Variants in HOGA1 observed in about 807,000 individuals in gnomAD.
HOGA1 encodes the protein 4-hydroxy-2-oxoglutarate aldolase, mitochondrial.
A neutral mutation model predicts 34.3 loss-of-function variants in HOGA1; 30 were observed. That is an observed-to-expected ratio of 0.87 (90% confidence interval 0.65 to 1.19). The LOEUF (loss-of-function observed/expected upper bound fraction) is 1.19, where lower values mean the gene tolerates loss of function less well. HOGA1 is among the 50% of genes most tolerant of loss of function. The probability of loss-of-function intolerance (pLI) is 0.00; values close to 1 mark genes in which losing one functional copy is unlikely to be tolerated. For missense variants in HOGA1, 417 were observed against 436.5 expected, an observed-to-expected ratio of 0.96 and a Z score of 0.40; for synonymous variants, 161 against 174.0, an observed-to-expected ratio of 0.93 and a Z score of 0.59.
rs542011021 is a variant in HOGA1, at chr10:97,590,944, C to T, written c.211+6030C>T. The T allele has an allele frequency of 3.4e-5, 8 of 236,886 alleles. No individual in the cohort carries two copies. In the South Asian group the frequency reaches 7.4e-4, roughly 22 times the overall value. The allele number at this position is 236,886 out of a possible 1,614,324, so 14.7% of individuals were successfully genotyped here. ...GCTTTGTGTGCCTTCACTCTGAGTC[C>T]AGGGGCTCTGTGGGCAGCCTAAGGT... On this transcript the variant is annotated intron_variant, in intron 1 of 6. Transcript: ENST00000370646.
rs1421124485 is a variant in HOGA1, at chr10:97,598,918, C to A, written c.340+15C>A. On this transcript the variant is annotated intron_variant, in intron 2 of 6. Coordinates refer to ENST00000370646, the MANE Select transcript of HOGA1 (RefSeq NM_138413.4). ...CGGATGCGAGTGTGAGCCAGAATGC[C>A]CTGGGCCCTGGGGGTGGGTGGATGT... is the stretch of plus-strand genomic sequence containing the variant. 1 of 1,613,344 alleles carries A rather than the reference C, an allele frequency of 6.2e-7. No homozygotes were observed.
chr10:97,590,635 TCA>T lies in HOGA1; in HGVS notation c.211+5729_211+5730del, dbSNP rs568359151. On this transcript the variant is annotated intron_variant, in intron 1 of 6. Transcript: ENST00000370646. ...CGCCCCTGCCCCCAGCAAGGCTGGC[TCA>T]CACACACGTCTGTTTTCTCTCCTAT... is the stretch of plus-strand genomic sequence containing the variant. The T allele has an allele frequency of 3.7e-4, 559 of 1,504,184 alleles. 1 individual carries two copies. The highest frequency in any genetic ancestry group is 3.4e-3 in the South Asian group (281 of 82,188). The allele number at this position is 1,504,184 out of a possible 1,614,324, so 93.2% of individuals were successfully genotyped here.
intron 1 of HOGA1, among the ~76,000 whole-genome samples, chr10:97,587,897 C>T (rs189248574): frequency 6.6e-6 from 1 of 152,006 alleles, no homozygotes; most frequent in Non-Finnish European, 1.5e-5. Flanking sequence ...GCAACCTCTG[C>T]CTCCTGGGAC....
chr10:97,589,103 C>A (rs897064446), intron 1 of HOGA1, among the ~76,000 whole-genome samples: 1 of 152,070 alleles, frequency 6.6e-6, no homozygotes, highest in Non-Finnish European at 1.5e-5. Context: ...GGGATCTAGA[C>A]CCGATGAAGT....
rs935914672 is a variant in HOGA1 at position 97,584,488 on chromosome 10, C to T, written c.-216C>T. The T allele has an allele frequency of 1.6e-5, 9 of 563,042 alleles. No homozygotes were observed. Among genetic ancestry groups the T allele is most frequent in the African/African-American group, 1.5e-4 (8 of 53,460 alleles). The allele number at this position is 563,042 out of a possible 1,614,324, so 34.9% of individuals were successfully genotyped here. On this transcript the variant is annotated 5_prime_UTR_variant, in exon 1 of 7. Coordinates refer to ENST00000370646, the MANE Select transcript of HOGA1 (RefSeq NM_138413.4). Reference sequence around the variant, plus strand: ...AGGGACACTGGGTTGTGGCATCTCTCTAGCTGCTACCCAGAAGGAACAGGG... The same window carrying T: ...AGGGACACTGGGTTGTGGCATCTCTTTAGCTGCTACCCAGAAGGAACAGGG...
chr10:97,590,813 G>T (rs948158599), intron 1 of HOGA1: 1 of 592,226 alleles, frequency 1.7e-6, no homozygotes, highest in East Asian at 2.9e-5. Flanking sequence ...AGGACACAGC[G>T]CAGGTGAGAT....
At position 97,599,676 on chromosome 10, in the gene HOGA1, C is replaced by G. The variant is rs766515436; in HGVS notation, c.469-4C>G. 6.2e-7 allele frequency: 1 copy of G among 1,614,068 alleles called. No individual in the cohort carries two copies. Among genetic ancestry groups the G allele is most frequent in the East Asian group, 2.2e-5 (1 of 44,876 alleles). Reference sequence around the variant, plus strand: ...CCTGCTTTTCTCTGCGCCCCCCTCCCCAGGTTGCTGATCTCTCTCCAATCC... The same window carrying G: ...CCTGCTTTTCTCTGCGCCCCCCTCCGCAGGTTGCTGATCTCTCTCCAATCC... On this transcript the variant is annotated splice_region_variant and splice_polypyrimidine_tract_variant and intron_variant, in intron 3 of 6. Transcript: ENST00000370646.
rs1466917111 is a variant in HOGA1, at chr10:97,602,353, C to CT, written c.834+364dup. On this transcript the variant is annotated intron_variant, in intron 6 of 6. Coordinates refer to ENST00000370646, the MANE Select transcript of HOGA1 (RefSeq NM_138413.4). ...GAGAAAGAGTGTAAACCAGGGGCCTCTAAATCCGTGCTATCGGGGGCCAGG... is the reference window on the plus strand; with the variant it reads ...GAGAAAGAGTGTAAACCAGGGGCCTCTTAAATCCGTGCTATCGGGGGCCAGG... 26 of 1,209,994 alleles carry CT rather than the reference C, an allele frequency of 2.1e-5. No homozygotes were observed. In the African/African-American group the frequency reaches 3.8e-4, roughly 18 times the overall value. The allele number at this position is 1,209,994 out of a possible 1,614,324, so 75.0% of individuals were successfully genotyped here. A position where few individuals can be genotyped will look rare whatever the true frequency, so the allele number is the denominator to read the frequency against.
rs768492463 is a variant in HOGA1 at position 97,599,212 on chromosome 10, C to T, written c.464C>T (p.Thr155Ile). ...MSSAALIHHY[T>I]KVADLSPIPV... is the part of the protein sequence containing the mutation. ...AGTGCGGCCCTCATTCACCACTACACCAAGGTGTGTGTGAGGCCTGAGACC... is the reference window on the plus strand; with the variant it reads ...AGTGCGGCCCTCATTCACCACTACATCAAGGTGTGTGTGAGGCCTGAGACC... The change falls in exon 3 of 7, where the codon ACC becomes ATC. Residue 155 changes from threonine (T) to isoleucine (I), a missense_variant. Thr to Ile is a moderately conservative substitution (Grantham distance 89). Transcript: ENST00000370646. 3 of 1,613,948 alleles carry T rather than the reference C, an allele frequency of 1.9e-6. No homozygotes were observed. Among genetic ancestry groups the T allele is most frequent in the South Asian group, 2.2e-5 (2 of 91,082 alleles).
intron 6 of HOGA1, among the ~76,000 whole-genome samples, chr10:97,611,113 GA>G (rs2135729509): frequency 6.6e-6 from 1 of 152,282 alleles, no homozygotes; most frequent in African/African-American, 2.4e-5. Flanking sequence ...TCCCCTTCCT[GA>G]CTTCCCAGGT....
In HOGA1 at chr10:97,612,340, C is replaced by T. The variant is rs2041204857; in HGVS notation, c.*681C>T. 6.6e-6 allele frequency: 1 copy of T among 152,356 alleles called. No homozygotes were observed. The highest frequency in any genetic ancestry group is 1.5e-5 in the Non-Finnish European group (1 of 68,254). The allele number at this position is 152,356 out of a possible 1,614,324, so 9.4% of individuals were successfully genotyped here. On this transcript the variant is annotated 3_prime_UTR_variant, in exon 7 of 7. Coordinates refer to ENST00000370646, the MANE Select transcript of HOGA1 (RefSeq NM_138413.4). ...GGGGGACTACTTAGATTTGGGGCTT[C>T]AAACCTGAGTCTAGCACAATGCAGC...
At chr10:97,590,443 C>T (rs757009497) in intron 1 of HOGA1, 1 of 1,613,978 alleles carries the variant, frequency 6.2e-7, no homozygotes, top group Non-Finnish European at 8.5e-7. Context: ...AAAAGAATTT[C>T]CTCACCCAGC....
Position 97,612,227 on chromosome 10 carries a change from TG to T in HOGA1, c.*569del, listed in dbSNP as rs1437246502. The T allele has an allele frequency of 1.3e-5, 2 of 153,110 alleles. No individual in the cohort carries two copies. Among genetic ancestry groups the T allele is most frequent in the African/African-American group, 4.8e-5 (2 of 41,426 alleles). 9.5% of individuals were successfully genotyped at this position (153,110 alleles called of 1,614,324 possible). On this transcript the variant is annotated 3_prime_UTR_variant, in exon 7 of 7. Transcript: ENST00000370646. ...GTTGGCCAGGCTGGTCTTGAACTCC[TG>T]ACCTCAGGTGATCCAACTGCCTCGG... is the stretch of plus-strand genomic sequence containing the variant.
intron 1 of HOGA1, among the ~76,000 whole-genome samples, chr10:97,592,239 A>C (rs1008869203): frequency 4.9e-5 from 6 of 123,226 alleles, no homozygotes; most frequent in African/African-American, 1.7e-4. Context: ...AAATCCCTGT[A>C]CTTTTTTTTT....
At position 97,584,606 on chromosome 10, in the gene HOGA1, T is replaced by C; in HGVS notation, c.-98T>C. ...ACAAGTCAGGGAGGCCGCAAATTTT[T>C]AACTAGAAACATTGATCATTAATAG... On this transcript the variant is annotated 5_prime_UTR_variant, in exon 1 of 7. Transcript: ENST00000370646. 1 of 1,203,574 alleles carries C rather than the reference T, an allele frequency of 8.3e-7. No individual in the cohort carries two copies. The highest frequency in any genetic ancestry group is 1.2e-6 in the Non-Finnish European group (1 of 850,502). The allele number at this position is 1,203,574 out of a possible 1,614,324, so 74.6% of individuals were successfully genotyped here.
chr10:97,585,896 T>C (rs1434742865), intron 1 of HOGA1, among the ~76,000 whole-genome samples: 3 of 152,086 alleles, frequency 2.0e-5, no homozygotes, highest in Non-Finnish European at 2.9e-5. Flanking sequence ...CCCAACACTT[T>C]GGGAGGCCGA....
chr10:97,584,682 G>C lies in HOGA1; in HGVS notation c.-22G>C. On this transcript the variant is annotated 5_prime_UTR_variant, in exon 1 of 7. Transcript: ENST00000370646. ...TCTCACTCTGGGACATAGACCAATT[G>C]TGCTTCAGGCCTCCTGCAGAGATGC... The C allele has an allele frequency of 6.3e-7, 1 of 1,591,856 alleles. No homozygotes were observed. The highest frequency in any genetic ancestry group is 8.6e-7 in the Non-Finnish European group (1 of 1,163,640).
At chr10:97,593,297 G>A (rs183963537) in intron 1 of HOGA1, among the ~76,000 whole-genome samples, 59 of 152,178 alleles carry the variant, frequency 3.9e-4, no homozygotes, top group African/African-American at 1.3e-3. Context: ...CCAACATGGT[G>A]AAATCCCATC....
Position 97,598,918 on chromosome 10 carries a change from C to T in HOGA1, c.340+15C>T, listed in dbSNP as rs1421124485. On this transcript the variant is annotated intron_variant, in intron 2 of 6. Coordinates refer to ENST00000370646, the MANE Select transcript of HOGA1 (RefSeq NM_138413.4). ...CGGATGCGAGTGTGAGCCAGAATGCCCTGGGCCCTGGGGGTGGGTGGATGT... is the reference window on the plus strand; with the variant it reads ...CGGATGCGAGTGTGAGCCAGAATGCTCTGGGCCCTGGGGGTGGGTGGATGT... The T allele has an allele frequency of 6.2e-7, 1 of 1,613,344 alleles. No homozygotes were observed. The highest frequency in any genetic ancestry group is 8.5e-7 in the Non-Finnish European group (1 of 1,180,010).
Sources: allele counts gnomAD v4.1 joint callset (sites outside exome capture counted in the v4.1 genomes callset), GRCh38; gene constraint gnomAD v4.1.1; transcripts MANE v1.5; gene names NCBI Gene and HGNC (gene_info 2026-07-23, HGNC 2026-07-21).